The following FOCAD variants were observed in gnomAD, a reference collection of about 807,000 sequenced individuals.
The protein encoded by FOCAD is focadhesin.
FOCAD carries 198 observed loss-of-function variants against 225.6 expected under a neutral mutation model. That is an observed-to-expected ratio of 0.88 (90% CI 0.78 to 0.99). The LOEUF (loss-of-function observed/expected upper bound fraction) is 0.99. FOCAD is among the 50% of genes least tolerant of loss of function. FOCAD has a pLI of 0.00. For synonymous variants in FOCAD, 897 were observed against 755.0 expected (o/e 1.19, Z -3.08); for missense variants, 2,713 against 2,123.6 (o/e 1.28, Z -5.46).
intron 8 of FOCAD, among the ~76,000 whole-genome samples, chr9:20,778,312 T>G (rs1425503624): frequency 1.3e-5 from 2 of 152,040 alleles, no homozygotes; most frequent in African/African-American, 2.4e-5. Flanking sequence ...TGGCACCATC[T>G]TGGCTCACTG....
intron 11 of FOCAD, among the ~76,000 whole-genome samples, chr9:20,813,086 T>G (rs1221352559): frequency 6.6e-6 from 1 of 152,140 alleles, no homozygotes; most frequent in East Asian, 1.9e-4. Flanking sequence ...TTTGACCACT[T>G]TAGATACTTC....
chr9:20,944,333 C>T (rs1447836356), intron 28 of FOCAD, among the ~76,000 whole-genome samples: 3 of 152,314 alleles, frequency 2.0e-5, no homozygotes, highest in South Asian at 2.1e-4. Flanking sequence ...TATGCCTTTT[C>T]CTCTTCTCAC....
intron 5 of FOCAD, among the ~76,000 whole-genome samples, chr9:20,749,350 C>T (rs527987317): frequency 6.6e-6 from 1 of 152,156 alleles, no homozygotes; most frequent in Non-Finnish European, 1.5e-5. Flanking sequence ...TTTCTAGGAG[C>T]TTATGTGGGA....
rs112589234 is a variant in FOCAD, at chr9:20,932,890, C to CT, written c.3318-114dup. ...AATAGGCAACTCATCAATATTGTCA[C>CT]TTTTTTTTTTAAGAGAAATGCTGGT... is the stretch of plus-strand genomic sequence containing the variant. On this transcript the variant is annotated intron_variant, in intron 27 of 43. Coordinates refer to ENST00000338382, the MANE Select transcript of FOCAD (RefSeq NM_001375567.1). 153,520 of 607,570 alleles carry CT rather than the reference C, an allele frequency of 0.25. 9,584 individuals carry two copies. The highest frequency in any genetic ancestry group is 0.3 in the South Asian group (12,651 of 42,414). 37.6% of individuals were successfully genotyped at this position (607,570 alleles called of 1,614,324 possible).
At chr9:20,942,594 C>A (rs189772246) in intron 28 of FOCAD, among the ~76,000 whole-genome samples, 25 of 152,250 alleles carry the variant, frequency 1.6e-4, no homozygotes, top group Admixed American at 1.2e-3. Context: ...TTGCTTTTTT[C>A]TTCTTCCTCT....
upstream of FOCAD, among the ~76,000 whole-genome samples, chr9:20,658,031 C>T (rs574604947): frequency 6.0e-3 from 862 of 144,216 alleles, 38 homozygotes; most frequent in East Asian, 0.1. Flanking sequence ...GTTGGAATAC[C>T]CTGCCATGTG....
intron 15 of FOCAD, among the ~76,000 whole-genome samples, chr9:20,849,202 T>C (rs528507880): frequency 1.6e-4 from 24 of 152,098 alleles, no homozygotes; most frequent in Middle Eastern, 3.4e-3. Flanking sequence ...CCTCCTTTCC[T>C]AGACTCCAGG....
At chr9:20,799,657 C>G (rs1293678264) in intron 11 of FOCAD, among the ~76,000 whole-genome samples, 1 of 152,126 alleles carries the variant, frequency 6.6e-6, no homozygotes, top group Non-Finnish European at 1.5e-5. Context: ...TTATCCAAGA[C>G]TAGGATTACA....
intron 11 of FOCAD, among the ~76,000 whole-genome samples, chr9:20,796,999 A>G (rs868254777): frequency 4.6e-5 from 7 of 152,110 alleles, no homozygotes; most frequent in East Asian, 3.9e-4. Context: ...TGTATAAGGT[A>G]TAAGGAAGGG....
intron 10 of FOCAD, among the ~76,000 whole-genome samples, chr9:20,783,379 G>T (rs1030184564): frequency 1.3e-5 from 2 of 151,922 alleles, no homozygotes; most frequent in Non-Finnish European, 2.9e-5. Context: ...TTTTACTGTT[G>T]GCTTTTTTTT....
chr9:20,990,436 C>A, intron 42 of FOCAD, 62 bp downstream of exon 42: 1 of 1,578,016 alleles, frequency 6.3e-7, no homozygotes, highest in South Asian at 1.1e-5. Context: ...GCAGTTTCTA[C>A]TGTAGAATTG....
In FOCAD at chr9:20,843,700, A is replaced by G. The variant is rs111940892; in HGVS notation, c.1921-18878A>G. On this transcript the variant is annotated intron_variant, in intron 15 of 43. Transcript: ENST00000338382. The stretch of plus-strand genomic sequence containing the variant: ...TCTCTTTAAAAATCTTTGTATTTTG[A>G]TCTTTCTTTCTACCTCCTCTAGGAT... Among the ~76,000 whole-genome samples the G allele has an allele frequency of 7.3e-3, 1,104 of 152,120 alleles. 16 individuals carry two copies. Among genetic ancestry groups the G allele is most frequent in the African/African-American group, 0.025 (1,044 of 41,528 alleles).
chr9:20,874,806 A>G lies in FOCAD; in HGVS notation c.2316A>G (p.Pro772=). The G allele has an allele frequency of 1.9e-6, 3 of 1,613,466 alleles. No homozygotes were observed. The highest frequency in any genetic ancestry group is 2.5e-6 in the Non-Finnish European group (3 of 1,179,612). Reference sequence around the variant, plus strand: ...CACTCACTCCCCCTTTGGTTTTACCAGGTGACTCCTATTTGGTAGTAGAGA... The same window carrying G: ...CACTCACTCCCCCTTTGGTTTTACCGGGTGACTCCTATTTGGTAGTAGAGA... ...LLSLTPPLVL[P]ALEEFFTSLV... The change falls in exon 19 of 44, where the codon CCA becomes CCG. Residue 772 remains proline, a splice_region_variant and synonymous_variant. Coordinates refer to ENST00000338382, the MANE Select transcript of FOCAD (RefSeq NM_001375567.1).
chr9:20,773,055 C>T (rs1285715750), intron 8 of FOCAD, among the ~76,000 whole-genome samples: 2 of 151,798 alleles, frequency 1.3e-5, no homozygotes, highest in African/African-American at 4.8e-5. Flanking sequence ...GATAAATTGC[C>T]AGTTCTGTTA....
chr9:20,809,265 T>C (rs1822793434), intron 11 of FOCAD, among the ~76,000 whole-genome samples: 1 of 152,210 alleles, frequency 6.6e-6, no homozygotes, highest in South Asian at 2.1e-4. Context: ...AACAGCTTTG[T>C]CCAAAAGAAC....
At chr9:20,815,137 G>GTTTTTTTTTTTTTTTTTT (rs71334555) in intron 11 of FOCAD, among the ~76,000 whole-genome samples, 10 of 69,144 alleles carry the variant, frequency 1.4e-4, no homozygotes, top group African/African-American at 5.4e-4. Flanking sequence ...TTTTTTTTTT[G>GTTTTTTTTTTTTTTTTTT]TTTTTTTTTT....
At chr9:20,953,790 T>C (rs1211489462) in intron 35 of FOCAD, among the ~76,000 whole-genome samples, 2 of 152,340 alleles carry the variant, frequency 1.3e-5, no homozygotes, top group Admixed American at 6.5e-5. Flanking sequence ...TTGCTAATTT[T>C]ATTCTTCCTT....
In FOCAD at chr9:20,981,594, G is replaced by A. The variant is rs748216244; in HGVS notation, c.4546G>A (p.Ala1516Thr). Reference sequence around the variant, plus strand: ...AAGTGCTTTACACGGTCTGAGCCAGGCCATGAAACTGCCCAGCCCTGCCCA... The same window carrying A: ...AAGTGCTTTACACGGTCTGAGCCAGACCATGAAACTGCCCAGCCCTGCCCA... ...CPSALHGLSQAMKLPSPAHHL... is the reference protein window; with the variant it reads ...CPSALHGLSQTMKLPSPAHHL... The change falls in exon 38 of 44, where the codon GCC becomes ACC. Residue 1516 changes from alanine to threonine, a missense_variant. By Grantham distance (58) the Ala-to-Thr change is moderately conservative (BLOSUM62 0). Transcript: ENST00000338382. 1 of 1,614,036 alleles carries A rather than the reference G, an allele frequency of 6.2e-7. No individual in the cohort carries two copies. Among genetic ancestry groups the A allele is most frequent in the South Asian group, 1.1e-5 (1 of 91,082 alleles).
chr9:20,795,469 C>T (rs996912410), intron 11 of FOCAD, among the ~76,000 whole-genome samples: 2 of 152,026 alleles, frequency 1.3e-5, no homozygotes, highest in African/African-American at 4.8e-5. Context: ...AAACAAAAAG[C>T]TAGATAAATA....
Sources: allele counts gnomAD v4.1 joint callset (sites outside exome capture counted in the v4.1 genomes callset), GRCh38; gene constraint gnomAD v4.1.1; transcripts MANE v1.5; gene names NCBI Gene and HGNC (gene_info 2026-07-23, HGNC 2026-07-21).